The following CSMD1 variants were observed in gnomAD, a reference collection of about 807,000 sequenced individuals.
CSMD1 encodes the protein CUB and Sushi multiple domains 1, also known as CUB and sushi domain-containing protein 1.
Under a neutral mutation model 417.5 loss-of-function variants are expected in CSMD1, and 213 were observed. That is an observed-to-expected ratio of 0.51 (90% CI 0.46 to 0.57). CSMD1 has a LOEUF of 0.57. CSMD1 is among the 20% of genes least tolerant of loss of function. The probability of loss-of-function intolerance (pLI) is 0.00; values close to 1 mark genes in which losing one functional copy is unlikely to be tolerated. For synonymous variants in CSMD1, 2,862 were observed against 1,736.8 expected, an observed-to-expected ratio of 1.65 and a Z score of -16.11; for missense variants, 6,923 against 4,529.7, an observed-to-expected ratio of 1.53 and a Z score of -15.17.
At chr8:3,836,412 A>C (rs527768693) in intron 5 of CSMD1, among the ~76,000 whole-genome samples, 4 of 152,218 alleles carry the variant, frequency 2.6e-5, no homozygotes, top group African/African-American at 9.6e-5. Context: ...TAGGTGATGG[A>C]AAATTTCTCC....
At chr8:4,896,645 A>G (rs1036006015) in intron 1 of CSMD1, among the ~76,000 whole-genome samples, 13 of 152,288 alleles carry the variant, frequency 8.5e-5, no homozygotes, top group Non-Finnish European at 1.8e-4. Context: ...CACTGCAAGT[A>G]TTTAAATATT....
intron 1 of CSMD1, among the ~76,000 whole-genome samples, chr8:4,949,491 A>G (rs1808591570): frequency 6.6e-6 from 1 of 152,164 alleles, no homozygotes; most frequent in African/African-American, 2.4e-5. Flanking sequence ...GTAGTTCTCA[A>G]CCAGGGGCAA....
intron 52 of CSMD1, among the ~76,000 whole-genome samples, chr8:3,009,829 C>T (rs978989492): frequency 5.3e-5 from 8 of 152,152 alleles, no homozygotes; most frequent in African/African-American, 1.9e-4. Context: ...CCCGAGTCCT[C>T]TGCCACAAAT....
intron 23 of CSMD1, among the ~76,000 whole-genome samples, chr8:3,320,582 A>C (rs538893769): frequency 3.9e-4 from 60 of 152,332 alleles, no homozygotes; most frequent in African/African-American, 1.3e-3. Flanking sequence ...TAAGAATTCA[A>C]CACCTTGAGC....
At chr8:4,013,939 T>G (rs559579264) in intron 4 of CSMD1, among the ~76,000 whole-genome samples, 2 of 152,180 alleles carry the variant, frequency 1.3e-5, no homozygotes, top group Admixed American at 6.5e-5. Flanking sequence ...CCAGCCCTGA[T>G]TGATAAGTGT....
intron 7 of CSMD1, among the ~76,000 whole-genome samples, chr8:3,676,344 G>T (rs1035657128): frequency 2.0e-5 from 3 of 152,158 alleles, no homozygotes; most frequent in East Asian, 1.9e-4. Context: ...GGAGGTGGGT[G>T]GCCGCCCGCC....
chr8:3,738,893 G>A lies in CSMD1; in HGVS notation c.931+15037C>T, dbSNP rs112767676. ...GCATTCATATTTCATTCATAGTCTC[G>A]AAATCTGTAAGGCCTCCATGGTCTT... On this transcript the variant is annotated intron_variant, in intron 6 of 69. Coordinates refer to ENST00000635120, the MANE Select transcript of CSMD1 (RefSeq NM_033225.6). Among the ~76,000 whole-genome samples the A allele has an allele frequency of 3.7e-3, 563 of 152,220 alleles. 6 individuals carry two copies. Among genetic ancestry groups the A allele is most frequent in the African/African-American group, 0.013 (529 of 41,538 alleles).
At chr8:4,251,269 C>T (rs541770689) in intron 3 of CSMD1, among the ~76,000 whole-genome samples, 1 of 151,960 alleles carries the variant, frequency 6.6e-6, no homozygotes, top group Non-Finnish European at 1.5e-5. Flanking sequence ...ATATGGAAGG[C>T]TTTTTAAAAA....
intron 1 of CSMD1, among the ~76,000 whole-genome samples, chr8:4,647,636 G>T (rs975119474): frequency 1.1e-4 from 16 of 151,764 alleles, no homozygotes; most frequent in Non-Finnish European, 1.8e-4. Context: ...TCATTGTTCA[G>T]CTCCCACTTG....
At chr8:3,938,662 CT>C (rs1308588470) in intron 5 of CSMD1, among the ~76,000 whole-genome samples, 1 of 152,162 alleles carries the variant, frequency 6.6e-6, no homozygotes, top group Non-Finnish European at 1.5e-5. Flanking sequence ...TTGAAGTCTG[CT>C]TCTGTTAATT....
chr8:3,755,265 A>G (rs1164056564), intron 5 of CSMD1, among the ~76,000 whole-genome samples: 4 of 152,158 alleles, frequency 2.6e-5, no homozygotes. Context: ...ACATAGGTGG[A>G]TCATGTTTAT....
intron 12 of CSMD1, among the ~76,000 whole-genome samples, chr8:3,450,498 TC>T (rs201882401): frequency 0.015 from 2,329 of 150,530 alleles, 54 homozygotes; most frequent in African/African-American, 0.052. Flanking sequence ...TGTGTGATGT[TC>T]CCCTTCCTGT....
At position 4,994,826 on chromosome 8, in the gene CSMD1, CG is replaced by C. The variant is rs11359703; in HGVS notation, c.-411del. 97,125 of 169,466 alleles carry C rather than the reference CG, an allele frequency of 0.57. 28,017 individuals are homozygous for C. Among genetic ancestry groups the C allele is most frequent in the Middle Eastern group, 0.7 (263 of 374 alleles). The allele number at this position is 169,466 out of a possible 1,614,324, so 10.5% of individuals were successfully genotyped here. On this transcript the variant is annotated 5_prime_UTR_variant, in exon 1 of 70. Transcript: ENST00000635120. Reference sequence around the variant, plus strand: ...AGTGGGAGATGCGGGGAGGGGGGCGCGGGGGGGAGGAGAGATCCAGTCTAGA... The same window carrying C: ...AGTGGGAGATGCGGGGAGGGGGGCGCGGGGGGAGGAGAGATCCAGTCTAGA...
At chr8:3,193,781 G>A (rs965262070) in intron 33 of CSMD1, among the ~76,000 whole-genome samples, 2 of 152,182 alleles carry the variant, frequency 1.3e-5, no homozygotes, top group African/African-American at 2.4e-5. Context: ...GGTGCTGAAA[G>A]TGGGAAGCAG....
intron 23 of CSMD1, among the ~76,000 whole-genome samples, chr8:3,319,549 A>G (rs1004293959): frequency 5.3e-5 from 8 of 152,348 alleles, no homozygotes; most frequent in Middle Eastern, 3.4e-3. Context: ...AATTATATTG[A>G]AATATAATTC....
intron 5 of CSMD1, among the ~76,000 whole-genome samples, chr8:3,838,545 G>C (rs62479948): frequency 7.3e-6 from 1 of 136,082 alleles, no homozygotes; most frequent in African/African-American, 2.8e-5. Flanking sequence ...GTCTATATAT[G>C]TACTCTCTGT....
At chr8:3,063,387 T>A (rs1283871478) in intron 49 of CSMD1, among the ~76,000 whole-genome samples, 2 of 152,242 alleles carry the variant, frequency 1.3e-5, no homozygotes, top group East Asian at 3.8e-4. Flanking sequence ...GAAACCCTTG[T>A]GTACTGTCAA....
intron 29 of CSMD1, among the ~76,000 whole-genome samples, chr8:3,216,806 G>T (rs1563151901): frequency 6.6e-6 from 1 of 152,222 alleles, no homozygotes; most frequent in Non-Finnish European, 1.5e-5. Context: ...CAGGATTTGT[G>T]AATTGTTGCA....
At position 4,724,914 on chromosome 8, in the gene CSMD1, G is replaced by GT. The variant is rs746430679; in HGVS notation, c.86-87357dup. Among the ~76,000 whole-genome samples, 3 of 151,904 alleles carry GT rather than the reference G, an allele frequency of 2.0e-5. 1 individual carries two copies. The highest frequency in any genetic ancestry group is 4.1e-4 in the South Asian group (2 of 4,826). ...AATATGAATGAAACAAATCATACAG[G>GT]TTTTTTTCTTTTAAGAAGGTTGTTA... On this transcript the variant is annotated intron_variant, in intron 1 of 69. Coordinates refer to ENST00000635120, the MANE Select transcript of CSMD1 (RefSeq NM_033225.6).
Sources: gnomAD v4.1 joint callset for allele counts (sites outside exome capture counted in the v4.1 genomes callset) on GRCh38, gnomAD v4.1.1 for gene constraint, MANE v1.5 for transcripts, NCBI Gene and HGNC (gene_info 2026-07-23, HGNC 2026-07-21) for gene names.